UNC13C: variants seen among roughly 807,000 people sequenced by gnomAD.
UNC13C encodes the protein protein unc-13 homolog C.
Under a neutral mutation model 245.4 loss-of-function variants are expected in UNC13C, and 174 were observed. The observed-to-expected ratio is 0.71, with a 90% confidence interval of 0.63 to 0.80. UNC13C has a LOEUF of 0.80. Ranked by LOEUF, UNC13C falls within the 30% of genes least tolerant of loss-of-function variation. The pLI is 0.00. For synonymous variants in UNC13C, 992 were observed against 895.1 expected, an observed-to-expected ratio of 1.11 and a Z score of -1.93; for missense variants, 2,829 against 2,602.9, an observed-to-expected ratio of 1.09 and a Z score of -1.89.
intron 29 of UNC13C, among the ~76,000 whole-genome samples, chr15:54,557,147 A>C (rs1379977413): frequency 6.6e-6 from 1 of 151,938 alleles, no homozygotes; most frequent in Non-Finnish European, 1.5e-5. Flanking sequence ...CAAAACTACT[A>C]TTTGGTGTCC....
chr15:54,006,800 A>G (rs1278232853), intron 1 of UNC13C, among the ~76,000 whole-genome samples: 1 of 152,146 alleles, frequency 6.6e-6, no homozygotes, highest in Admixed American at 6.6e-5. Context: ...CTATTGGTGT[A>G]TCTGGCTTGC....
At chr15:54,231,682 T>C (rs2035557346) in intron 4 of UNC13C, among the ~76,000 whole-genome samples, 1 of 152,054 alleles carries the variant, frequency 6.6e-6, no homozygotes, top group South Asian at 2.1e-4. Flanking sequence ...TAGTTATCCT[T>C]AGTGAGTTTT....
intron 8 of UNC13C, among the ~76,000 whole-genome samples, chr15:54,252,491 T>A (rs1034833393): frequency 6.6e-5 from 10 of 152,264 alleles, no homozygotes; most frequent in Non-Finnish European, 8.8e-5. Flanking sequence ...CCATTTTTAC[T>A]TTTTTCCTAA....
intron 24 of UNC13C, among the ~76,000 whole-genome samples, chr15:54,513,031 T>C (rs1007359522): frequency 2.0e-5 from 3 of 152,222 alleles, no homozygotes; most frequent in Middle Eastern, 3.2e-3. Context: ...ATCTCAGTTT[T>C]ATTTGTATAA....
intron 2 of UNC13C, chr15:54,050,996 C>T (rs1335031381): frequency 4.4e-6 from 2 of 454,596 alleles, no homozygotes; most frequent in South Asian, 1.8e-5. Context: ...CTCTCGATCT[C>T]CTGGTCACCA....
chr15:54,015,221 A>T lies in UNC13C; in HGVS notation c.2318A>T (p.Asp773Val). The part of the protein sequence containing the change: ...QSELQSDDSE[D>V]APPKSWHSRL... ...GAATTGCAAAGTGATGATTCAGAGG[A>T]TGCCCCACCCAAATCATGGCATAGT... is the stretch of plus-strand genomic sequence containing the variant. The change falls in exon 2 of 33, where the codon GAT (aspartate) becomes GTT (valine). Residue 773 changes from aspartate to valine, a missense_variant. Transcript: ENST00000260323. 2 of 1,613,350 alleles carry T rather than the reference A, an allele frequency of 1.2e-6. No homozygotes were observed. Among genetic ancestry groups the T allele is most frequent in the South Asian group, 2.2e-5 (2 of 90,970 alleles).
the UNC13C span, among the ~76,000 whole-genome samples, chr15:53,906,249 A>C: frequency 6.6e-6 from 1 of 152,042 alleles, no homozygotes; most frequent in Non-Finnish European, 1.5e-5. Flanking sequence ...TCATCTGAGC[A>C]TGGGAGGTGG....
intron 2 of UNC13C, among the ~76,000 whole-genome samples, chr15:54,113,780 C>T (rs747705055): frequency 3.3e-5 from 5 of 151,964 alleles, no homozygotes; most frequent in African/African-American, 9.7e-5. Flanking sequence ...GAGCCGAGAT[C>T]GCACCACTGC....
intron 18 of UNC13C, among the ~76,000 whole-genome samples, chr15:54,405,094 C>T (rs2040264920): frequency 6.6e-6 from 1 of 152,064 alleles, no homozygotes; most frequent in African/African-American, 2.4e-5. Flanking sequence ...TTATTGAGTA[C>T]TCACTATGTG....
intron 4 of UNC13C, among the ~76,000 whole-genome samples, chr15:54,211,876 T>A (rs2034889661): frequency 6.6e-6 from 1 of 152,148 alleles, no homozygotes; most frequent in African/African-American, 2.4e-5. Flanking sequence ...CTTCCAATGC[T>A]ATCATTATTG....
At chr15:54,115,407 A>G (rs1004668952) in intron 2 of UNC13C, among the ~76,000 whole-genome samples, 3 of 152,044 alleles carry the variant, frequency 2.0e-5, no homozygotes, top group Non-Finnish European at 4.4e-5. Flanking sequence ...TTTATTTTAT[A>G]ATAAGTCAGT....
At chr15:54,052,552 G>A (rs1897317642) in intron 2 of UNC13C, among the ~76,000 whole-genome samples, 2 of 152,122 alleles carry the variant, frequency 1.3e-5, no homozygotes, top group African/African-American at 4.8e-5. Context: ...ATTTTTGTTG[G>A]TATTTTACAG....
At chr15:54,009,049 A>C (rs1371497838) in intron 1 of UNC13C, among the ~76,000 whole-genome samples, 1 of 152,120 alleles carries the variant, frequency 6.6e-6, no homozygotes, top group African/African-American at 2.4e-5. Flanking sequence ...GAAGTTCCAC[A>C]GCTGGTATTT....
At chr15:54,558,552 C>T (rs906473794) in intron 29 of UNC13C, among the ~76,000 whole-genome samples, 3 of 151,930 alleles carry the variant, frequency 2.0e-5, no homozygotes, top group African/African-American at 7.3e-5. Flanking sequence ...AATGTAAAAC[C>T]TTTCAGCCTC....
chr15:54,137,455 G>T (rs117337182), intron 2 of UNC13C, among the ~76,000 whole-genome samples: 1 of 152,002 alleles, frequency 6.6e-6, no homozygotes, highest in South Asian at 2.1e-4. Context: ...TCTTGTAATG[G>T]GCTTTTCTTT....
chr15:54,072,127 G>A (rs1051249063), intron 2 of UNC13C, among the ~76,000 whole-genome samples: 3 of 152,064 alleles, frequency 2.0e-5, no homozygotes. Flanking sequence ...TCCTAGTTCT[G>A]GGAGTGGAAA....
intron 30 of UNC13C, among the ~76,000 whole-genome samples, chr15:54,593,759 T>C (rs1453574454): frequency 1.3e-5 from 2 of 152,220 alleles, no homozygotes; most frequent in Non-Finnish European, 2.9e-5. Flanking sequence ...TGGATTTCCT[T>C]GCACCAGGCT....
At chr15:54,082,294 C>G (rs1017240778) in intron 2 of UNC13C, among the ~76,000 whole-genome samples, 3 of 152,086 alleles carry the variant, frequency 2.0e-5, no homozygotes, top group African/African-American at 7.2e-5. Context: ...CTCTGAATTT[C>G]TTGTATCTGG....
chr15:54,617,742 C>A (rs1462641072), intron 30 of UNC13C, among the ~76,000 whole-genome samples: 2 of 152,080 alleles, frequency 1.3e-5, no homozygotes, highest in Non-Finnish European at 2.9e-5. Context: ...ATTTATTCAT[C>A]ATCTACCATC....
Sources: allele counts gnomAD v4.1 joint callset (sites outside exome capture counted in the v4.1 genomes callset), GRCh38; gene constraint gnomAD v4.1.1; transcripts MANE v1.5; gene names NCBI Gene and HGNC (gene_info 2026-07-23, HGNC 2026-07-21).